DIXDC1: variants seen among roughly 807,000 people sequenced by gnomAD.
DIXDC1 encodes DIX domain containing 1.
In DIXDC1, 64 loss-of-function variants were observed where a neutral mutation model predicts 103.1. That is an observed-to-expected ratio of 0.62 (90% CI 0.51 to 0.76). The LOEUF (loss-of-function observed/expected upper bound fraction) is 0.76, where lower values mean the gene tolerates loss of function less well. DIXDC1 is among the 30% of genes least tolerant of loss of function. The pLI is 0.00. For missense variants in DIXDC1, 759 were observed against 834.2 expected, an observed-to-expected ratio of 0.91 and a Z score of 1.11; for synonymous variants, 266 against 298.5, an observed-to-expected ratio of 0.89 and a Z score of 1.12.
At chr11:111,933,003 G>A (rs782140906), upstream of DIXDC1, among the ~76,000 whole-genome samples, 3 of 152,306 alleles carry the variant, frequency 2.0e-5, no homozygotes, top group East Asian at 5.8e-4. Context: ...GAAAATACAG[G>A]ATACTAAAAA....
chr11:111,945,975 C>T (rs1364701109), intron 1 of DIXDC1, among the ~76,000 whole-genome samples: 2 of 128,084 alleles, frequency 1.6e-5, no homozygotes, highest in Non-Finnish European at 3.1e-5. Flanking sequence ...CTCGTTCTGT[C>T]GCTCAGGCTG....
chr11:111,993,410 AC>A, intron 12 of DIXDC1, 85 bp from the exon 13 acceptor site: 1 of 1,436,994 alleles, frequency 7.0e-7, no homozygotes, highest in South Asian at 1.2e-5. Flanking sequence ...GCTCTACTTT[AC>A]TTGAGTGGAA....
At chr11:111,994,623 T>C (rs1860826332) in intron 14 of DIXDC1, among the ~76,000 whole-genome samples, 1 of 151,592 alleles carries the variant, frequency 6.6e-6, no homozygotes, top group African/African-American at 2.4e-5. Context: ...TGTATGTGTA[T>C]ATATATGTAT....
At position 111,958,326 on chromosome 11, in the gene DIXDC1, G is replaced by A. The variant is rs868940149; in HGVS notation, c.61-6223G>A. ...AGCTGCAGCTGCCCAAGCCACAGCTGTGGACCCAGGCATCGCTGCACTCTC... is the reference window on the plus strand; with the variant it reads ...AGCTGCAGCTGCCCAAGCCACAGCTATGGACCCAGGCATCGCTGCACTCTC... On this transcript the variant is annotated intron_variant, in intron 1 of 19. Coordinates refer to ENST00000440460, the MANE Select transcript of DIXDC1 (RefSeq NM_001037954.4). The surrounding 1 kb of genome is among the most constrained non-coding windows in gnomAD (Gnocchi z 4.2). Among the ~76,000 whole-genome samples the A allele has an allele frequency of 3.7e-4, 56 of 152,322 alleles. No homozygotes were observed. The highest frequency in any genetic ancestry group is 2.1e-4 in the South Asian group (1 of 4,834).
At chr11:111,933,858 C>A (rs1249163453), upstream of DIXDC1, among the ~76,000 whole-genome samples, 1 of 152,026 alleles carries the variant, frequency 6.6e-6, no homozygotes, top group Non-Finnish European at 1.5e-5. Flanking sequence ...TTTCACACTT[C>A]TTATTTTTAT....
At position 111,977,483 on chromosome 11, in the gene DIXDC1, G is replaced by A; in HGVS notation, c.656+2500G>A. 1 of 1,322,162 alleles carries A rather than the reference G, an allele frequency of 7.6e-7. No homozygotes were observed. The allele number at this position is 1,322,162 out of a possible 1,614,324, so 81.9% of individuals were successfully genotyped here. On this transcript the variant is annotated intron_variant, in intron 5 of 19. Coordinates refer to ENST00000440460, the MANE Select transcript of DIXDC1 (RefSeq NM_001037954.4). This position sits in a 1 kb window ranked among gnomAD's most constrained non-coding sequence, Gnocchi z 6.1. ...GCGGCCAGGGGCCGGCAGCCTGCGA[G>A]GGGAGGCAGCTTCCGCCGGGGCCGG... is the stretch of plus-strand genomic sequence containing the variant.
chr11:111,941,538 A>G (rs1256188402), intron 1 of DIXDC1, among the ~76,000 whole-genome samples: 1 of 152,066 alleles, frequency 6.6e-6, no homozygotes, highest in East Asian at 1.9e-4. Context: ...GGAATAGGCC[A>G]GGCACAGTGG....
At position 111,980,762 on chromosome 11, in the gene DIXDC1, A is replaced by G. The variant is rs1555173163; in HGVS notation, c.682A>G (p.Ser228Gly). 6.2e-7 allele frequency: 1 copy of G among 1,613,956 alleles called. No homozygotes were observed. Among genetic ancestry groups the G allele is most frequent in the African/African-American group, 1.3e-5 (1 of 75,052 alleles). The change falls in exon 6 of 20, where the codon AGT becomes GGT. Residue 228 changes from serine (S) to glycine (G), a missense_variant. Physicochemically the swap from Ser to Gly is moderately conservative, Grantham distance 56. Coordinates refer to ENST00000440460, the MANE Select transcript of DIXDC1 (RefSeq NM_001037954.4). ...SSLTSPSPIHSAKSESIITQS... is the reference protein window; with the variant it reads ...SSLTSPSPIHGAKSESIITQS... ...CCTGACTTCACCCAGTCCAATCCAC[A>G]GTGCAAAGAGCGAGTCCATTATAAC...
intron 9 of DIXDC1, among the ~76,000 whole-genome samples, chr11:111,987,249 C>CAAA (rs782010904): frequency 8.1e-6 from 1 of 123,356 alleles, no homozygotes; most frequent in African/African-American, 3.0e-5. Flanking sequence ...GACTCCATCT[C>CAAA]AAAAAAAAAA....
At chr11:111,990,008 T>C (rs1395849097) in intron 10 of DIXDC1, among the ~76,000 whole-genome samples, 1 of 151,508 alleles carries the variant, frequency 6.6e-6, no homozygotes, top group Non-Finnish European at 1.5e-5. Context: ...GCCAGGATGG[T>C]CTCCATCTCC....
upstream of DIXDC1, among the ~76,000 whole-genome samples, chr11:111,936,272 C>G (rs1381048296): frequency 6.6e-6 from 1 of 152,186 alleles, no homozygotes; most frequent in Non-Finnish European, 1.5e-5. Context: ...TTTTCAGCTT[C>G]GAGTTTTCCT....
At chr11:111,938,123 AC>A (rs1966283240) in intron 1 of DIXDC1, among the ~76,000 whole-genome samples, 2 of 152,202 alleles carry the variant, frequency 1.3e-5, no homozygotes, top group Middle Eastern at 6.8e-3. Context: ...GCGAGAGGGG[AC>A]CTGGGTCCTG....
upstream of DIXDC1, among the ~76,000 whole-genome samples, chr11:111,933,170 C>A: frequency 6.6e-6 from 1 of 152,104 alleles, no homozygotes; most frequent in African/African-American, 2.4e-5. Context: ...CTCTTGTTGC[C>A]CAGGCTGGTG....
At chr11:111,941,837 T>TACACACACACACACAC (rs10635444) in intron 1 of DIXDC1, among the ~76,000 whole-genome samples, 1 of 139,188 alleles carries the variant, frequency 7.2e-6, no homozygotes, top group Non-Finnish European at 1.6e-5. Flanking sequence ...CGAAACAAAA[T>TACACACACACACACAC]ACACACACAC....
At chr11:111,955,291 G>A (rs1190591852) in intron 1 of DIXDC1, among the ~76,000 whole-genome samples, 1 of 147,492 alleles carries the variant, frequency 6.8e-6, no homozygotes, top group Non-Finnish European at 1.5e-5. Flanking sequence ...GTAGTGAGCT[G>A]TGATTGTGCC....
chr11:111,935,197 G>T (rs907736511), upstream of DIXDC1, among the ~76,000 whole-genome samples: 2 of 152,198 alleles, frequency 1.3e-5, no homozygotes, highest in East Asian at 1.9e-4. Context: ...AAGAGCACAG[G>T]ATCAGACCTC....
At position 112,016,878 on chromosome 11, in the gene DIXDC1, C is replaced by G. The variant is rs1278017255; in HGVS notation, c.1862+82C>G. 1.5e-5 allele frequency: 18 copies of G among 1,208,028 alleles called. No individual in the cohort carries two copies. The Admixed American group carries it at 3.4e-4, about 23-fold the overall frequency. 74.8% of individuals were successfully genotyped at this position (1,208,028 alleles called of 1,614,324 possible). ...CATTAGTTACTGCCCACATGAGCAG[C>G]TGAAAGGTGTTTGAGAAGCAGTATA... is the stretch of plus-strand genomic sequence containing the variant. On this transcript the variant is annotated intron_variant, in intron 18 of 19. Transcript: ENST00000440460.
At position 111,974,925 on chromosome 11, in the gene DIXDC1, G is replaced by GC. The variant is rs782052663; in HGVS notation, c.601dup (p.Leu201ProfsTer14). The stretch of plus-strand genomic sequence containing the variant: ...TGAGAATCCATACTGGAGTGTGCGG[G>GC]CCCTAGTGCAGCAGTACGAAGGGCA... On this transcript the variant is annotated frameshift_variant, in exon 5 of 20. Transcript: ENST00000440460. LOFTEE classifies it high-confidence loss of function. 6.2e-7 allele frequency: 1 copy of GC among 1,613,644 alleles called. No homozygotes were observed. The highest frequency in any genetic ancestry group is 1.7e-5 in the Admixed American group (1 of 60,000).
rs1270096304 is a variant in DIXDC1 at position 112,020,752 on chromosome 11, A to G, written c.*1716A>G. On this transcript the variant is annotated 3_prime_UTR_variant, in exon 20 of 20. Coordinates refer to ENST00000440460, the MANE Select transcript of DIXDC1 (RefSeq NM_001037954.4). ...TAATCCAGTTGATTGCTCCTCTGGC[A>G]GAGAGAAGGAGCTCAAAAGATACTT... The G allele has an allele frequency of 2.0e-5, 3 of 152,242 alleles. No individual in the cohort carries two copies. Among genetic ancestry groups the G allele is most frequent in the Non-Finnish European group, 2.9e-5 (2 of 68,040 alleles). The allele number at this position is 152,242 out of a possible 1,614,324, so 9.4% of individuals were successfully genotyped here. A position where few individuals can be genotyped will look rare whatever the true frequency, so the allele number is the denominator to read the frequency against.
Sources: gnomAD v4.1 joint callset for allele counts (sites outside exome capture counted in the v4.1 genomes callset) on GRCh38, gnomAD v4.1.1 for gene constraint, Gnocchi (gnomAD v3.1) non-coding constraint, MANE v1.5 for transcripts, NCBI Gene and HGNC (gene_info 2026-07-23, HGNC 2026-07-21) for gene names.